Variants in DENND3 observed in about 807,000 individuals in gnomAD.
DENND3 encodes DENN domain-containing protein 3.
Under a neutral mutation model 135.1 loss-of-function variants are expected in DENND3, and 88 were observed. The ratio of observed to expected loss-of-function variants is 0.65; its 90% CI spans 0.55 to 0.78. DENND3 has a LOEUF of 0.78. Ranked by LOEUF, DENND3 falls within the 30% of genes least tolerant of loss-of-function variation. The pLI, the probability that DENND3 is intolerant of heterozygous loss-of-function variation, is 0.00. For missense variants in DENND3, 1,392 were observed against 1,688.4 expected (o/e 0.82, Z 3.08); for synonymous variants, 693 against 712.3 (o/e 0.97, Z 0.43).
chr8:141,157,131 T>C (rs1373307809), intron 8 of DENND3, among the ~76,000 whole-genome samples: 1 of 152,194 alleles, frequency 6.6e-6, no homozygotes, highest in Non-Finnish European at 1.5e-5. Context: ...TTCTTTCATC[T>C]CTGTTACTCA....
At chr8:141,147,487 G>A (rs1818298022) in intron 5 of DENND3, among the ~76,000 whole-genome samples, 1 of 152,190 alleles carries the variant, frequency 6.6e-6, no homozygotes, top group African/African-American at 2.4e-5. Context: ...TTCCCTGAAG[G>A]TGCCGCCACA....
rs751859803 is a variant in DENND3, at chr8:141,176,749, C to T, written c.2694C>T (p.Ala898=). ...AGATGTGGGCTGGGAAGAAGCTGGC[C>T]GATGACCACAAGGTGGGAGACGCGG... ...VKEMWAGKKL[A]DDHKDPHYVQ... Residue 898 remains alanine, a synonymous_variant, in exon 15 of 23, where the codon GCC becomes GCT. Coordinates refer to ENST00000519811, the MANE Select transcript of DENND3 (RefSeq NM_001352890.3). The T allele has an allele frequency of 4.2e-5, 68 of 1,613,742 alleles. No homozygotes were observed. The highest frequency in any genetic ancestry group is 5.0e-5 in the Admixed American group (3 of 60,004).
chr8:141,138,072 G>A lies in DENND3; in HGVS notation c.436G>A (p.Val146Met). 1 of 1,610,108 alleles carries A rather than the reference G, an allele frequency of 6.2e-7. No individual in the cohort carries two copies. Among genetic ancestry groups the A allele is most frequent in the Non-Finnish European group, 8.5e-7 (1 of 1,178,090 alleles). ...TAAGGAGGATTGCGTCCACTTCCTG[G>A]TGCTGACCGATGTCTGCGGGAATAG... ...EPKEDCVHFLVLTDVCGNRTY... is the reference protein window; with the variant it reads ...EPKEDCVHFLMLTDVCGNRTY... The change falls in exon 3 of 23, where the codon GTG becomes ATG. Residue 146 changes from valine to methionine, a missense_variant. Val to Met is a conservative substitution (Grantham distance 21). Coordinates refer to ENST00000519811, the MANE Select transcript of DENND3 (RefSeq NM_001352890.3). This position sits in a 1 kb window ranked among gnomAD's most constrained non-coding sequence, Gnocchi z 4.8.
chr8:141,141,461 C>A lies in DENND3; in HGVS notation c.623+137C>A. 1 of 1,025,338 alleles carries A rather than the reference C, an allele frequency of 9.8e-7. No homozygotes were observed. Among genetic ancestry groups the A allele is most frequent in the Non-Finnish European group, 1.4e-6 (1 of 727,838 alleles). The allele number at this position is 1,025,338 out of a possible 1,614,324, so 63.5% of individuals were successfully genotyped here. On this transcript the variant is annotated intron_variant, in intron 4 of 22. Transcript: ENST00000519811. The surrounding 1 kb of genome is among the most constrained non-coding windows in gnomAD (Gnocchi z 5.3). ...TCTCCTGGTGAGCCGGGGGACCGGG[C>A]GCTGGGGGCAGTAGGAGGGGCAGTT...
intron 16 of DENND3, among the ~76,000 whole-genome samples, chr8:141,180,246 G>T (rs572547863): frequency 6.6e-6 from 1 of 152,226 alleles, no homozygotes; most frequent in African/African-American, 2.4e-5. Context: ...CACACAGGAT[G>T]CTGGGCATTC....
At chr8:141,149,755 C>G (rs1227778001) in intron 5 of DENND3, among the ~76,000 whole-genome samples, 1 of 152,258 alleles carries the variant, frequency 6.6e-6, no homozygotes, top group African/African-American at 2.4e-5. Context: ...GTGAAGGTGT[C>G]CCCCGCTGGG....
At position 141,132,063 on chromosome 8, in the gene DENND3, C is replaced by T. The variant is rs1416250813; in HGVS notation, c.102+3254C>T. ...ACTTGAGAACCACCCACACATCTCT[C>T]AGGAGGAGGCTGGGTCAATACATGA... On this transcript the variant is annotated intron_variant, in intron 1 of 22. Coordinates refer to ENST00000519811, the MANE Select transcript of DENND3 (RefSeq NM_001352890.3). 6.6e-5 allele frequency among the ~76,000 whole-genome samples: 10 copies of T among 152,260 alleles called. 1 individual carries two copies. The highest frequency in any genetic ancestry group is 4.6e-4 in the Admixed American group (7 of 15,300).
chr8:141,192,996 G>A, intron 22 of DENND3: 1 of 967,050 alleles, frequency 1.0e-6, no homozygotes, highest in Non-Finnish European at 1.4e-6. Context: ...CTCGGGGGGA[G>A]CGTGCACTCC....
chr8:141,169,639 C>T (rs943542935), intron 13 of DENND3, among the ~76,000 whole-genome samples: 8 of 152,160 alleles, frequency 5.3e-5, no homozygotes, highest in Non-Finnish European at 8.8e-5. Context: ...AGCCACTGTC[C>T]GAAGCTGGAG....
intron 18 of DENND3, among the ~76,000 whole-genome samples, chr8:141,187,991 A>G (rs551318228): frequency 6.6e-6 from 1 of 150,682 alleles, no homozygotes; most frequent in South Asian, 2.1e-4. Flanking sequence ...GTTCGAGACC[A>G]GCCTGGGCAA....
chr8:141,133,635 T>A (rs1033533757), intron 1 of DENND3, among the ~76,000 whole-genome samples: 13 of 152,008 alleles, frequency 8.6e-5, no homozygotes, highest in African/African-American at 3.1e-4. Flanking sequence ...GGAAACATGG[T>A]GCAGCGGGGC....
chr8:141,180,644 C>T (rs866660899), intron 16 of DENND3, 103 bp from the exon 17 acceptor site: 1 of 1,122,208 alleles, frequency 8.9e-7, no homozygotes, highest in Middle Eastern at 2.0e-4. Context: ...GAAGTTTTAC[C>T]TGCAAGCTGA....
chr8:141,184,080 A>C (rs1326111842), intron 17 of DENND3, among the ~76,000 whole-genome samples: 1 of 152,164 alleles, frequency 6.6e-6, no homozygotes, highest in South Asian at 2.1e-4. Flanking sequence ...TGCCATCTTC[A>C]TGGCCGGACA....
Position 141,168,198 on chromosome 8 carries a change from C to A in DENND3, c.1948C>A (p.Gln650Lys). The A allele has an allele frequency of 6.2e-7, 1 of 1,614,182 alleles. No homozygotes were observed. The highest frequency in any genetic ancestry group is 8.5e-7 in the Non-Finnish European group (1 of 1,180,038). ...LYLRGLVYLM[Q>K]GQLLNALLDF... ...CCTCCGAGGGCTCGTTTATCTGATG[C>A]AGGGACAGCTGCTGAACGCCCTCTT... Residue 650 changes from glutamine to lysine, a missense_variant, in exon 13 of 23, where the codon CAG becomes AAG. Coordinates refer to ENST00000519811, the MANE Select transcript of DENND3 (RefSeq NM_001352890.3). The surrounding 1 kb of genome is among the most constrained non-coding windows in gnomAD (Gnocchi z 6.2).
intron 5 of DENND3, among the ~76,000 whole-genome samples, chr8:141,149,134 T>TCCTGACCTCAGGTGATCCGCCCG (rs1818491045): frequency 6.6e-6 from 1 of 152,218 alleles, no homozygotes; most frequent in Non-Finnish European, 1.5e-5. Context: ...GGTCTTGAAC[T>TCCTGACCTCAGGTGATCCGCCCG]CCTGACCTCA....
At chr8:141,140,507 G>C (rs904944176) in intron 3 of DENND3, among the ~76,000 whole-genome samples, 1 of 152,236 alleles carries the variant, frequency 6.6e-6, no homozygotes, top group African/African-American at 2.4e-5. Context: ...AGATGACAGA[G>C]CAGGCAGGGT....
chr8:141,151,155 G>A (rs536324310), intron 6 of DENND3, among the ~76,000 whole-genome samples: 8 of 152,354 alleles, frequency 5.3e-5, no homozygotes, highest in African/African-American at 1.9e-4. Context: ...AGAGTCTCAG[G>A]TGGCTTTTGT....
rs1569556858 is a variant in DENND3 at position 141,185,133 on chromosome 8, C to T, written c.2945-6C>T. On this transcript the variant is annotated splice_region_variant and splice_polypyrimidine_tract_variant and intron_variant, in intron 17 of 22. Coordinates refer to ENST00000519811, the MANE Select transcript of DENND3 (RefSeq NM_001352890.3). Reference sequence around the variant, plus strand: ...CCTAACAGTTTTGTGCTGCTCTCCTCTTTAGGGCATCTTGACCCAGCCGAA... The same window carrying T: ...CCTAACAGTTTTGTGCTGCTCTCCTTTTTAGGGCATCTTGACCCAGCCGAA... 1 of 1,612,790 alleles carries T rather than the reference C, an allele frequency of 6.2e-7. No individual in the cohort carries two copies. The highest frequency in any genetic ancestry group is 8.5e-7 in the Non-Finnish European group (1 of 1,179,014).
At chr8:141,180,903 T>C in intron 17 of DENND3, 49 bp downstream of exon 17, 3 of 1,516,834 alleles carry the variant, frequency 2.0e-6, no homozygotes, top group Non-Finnish European at 2.7e-6. Flanking sequence ...GCCAATCTGA[T>C]GCGCTTAGGT....
Sources: allele counts gnomAD v4.1 joint callset (sites outside exome capture counted in the v4.1 genomes callset), GRCh38; gene constraint gnomAD v4.1.1; non-coding constraint Gnocchi (gnomAD v3.1); transcripts MANE v1.5; gene names NCBI Gene and HGNC (gene_info 2026-07-23, HGNC 2026-07-21).